Variants in BTLA observed in about 807,000 individuals in gnomAD.
BTLA encodes the protein B and T lymphocyte associated.
A neutral mutation model predicts 25.0 loss-of-function variants in BTLA; 11 were observed. The observed-to-expected ratio is 0.44, with a 90% CI of 0.28 to 0.73. The LOEUF (loss-of-function observed/expected upper bound fraction) is 0.73. BTLA is among the 30% of genes least tolerant of loss of function. The probability of loss-of-function intolerance (pLI) is 0.15; values close to 1 mark genes in which losing one functional copy is unlikely to be tolerated. For missense variants in BTLA, 282 were observed against 332.8 expected, an observed-to-expected ratio of 0.85 and a Z score of 1.19; for synonymous variants, 104 against 119.8, an observed-to-expected ratio of 0.87 and a Z score of 0.86.
chr3:112,474,749 G>A (rs754794681), intron 2 of BTLA, among the ~76,000 whole-genome samples: 11 of 152,176 alleles, frequency 7.2e-5, no homozygotes, highest in Admixed American at 2.0e-4. Flanking sequence ...TTCCATAGGT[G>A]GAGACAGATG....
At chr3:112,471,083 G>C in intron 3 of BTLA, 129 bp downstream of exon 3, 1 of 1,236,082 alleles carries the variant, frequency 8.1e-7, no homozygotes, top group Non-Finnish European at 1.1e-6. Context: ...TGTCTTCTAG[G>C]AAATCATTAT....
At chr3:112,493,891 T>G (rs1439988451) in intron 1 of BTLA, among the ~76,000 whole-genome samples, 1 of 152,126 alleles carries the variant, frequency 6.6e-6, no homozygotes, top group East Asian at 1.9e-4. Context: ...GACAGGTGGA[T>G]CATGAGGTCA....
In BTLA at chr3:112,465,527, G is replaced by A. The variant is rs1344280203; in HGVS notation, c.*581C>T. ...GGAACATCTACCCTATATCCAATTGGTATATTCTATATTTTTATTGCACCA... is the reference window on the plus strand; with the variant it reads ...GGAACATCTACCCTATATCCAATTGATATATTCTATATTTTTATTGCACCA... On this transcript the variant is annotated 3_prime_UTR_variant, in exon 5 of 5. Transcript: ENST00000334529. The A allele has an allele frequency of 6.6e-6, 1 of 152,476 alleles. No homozygotes were observed. Among genetic ancestry groups the A allele is most frequent in the African/African-American group, 2.4e-5 (1 of 41,380 alleles). 9.4% of individuals were successfully genotyped at this position (152,476 alleles called of 1,614,324 possible).
chr3:112,491,106 ATT>A (rs2082377758), intron 1 of BTLA, among the ~76,000 whole-genome samples: 1 of 152,192 alleles, frequency 6.6e-6, no homozygotes, highest in African/African-American at 2.4e-5. Context: ...TTTTTCCGAC[ATT>A]TAGCAAAGCT....
Position 112,499,428 on chromosome 3 carries a change from G to GC in BTLA, c.-71_-70insG. The GC allele has an allele frequency of 7.4e-7, 1 of 1,342,724 alleles. No homozygotes were observed. Among genetic ancestry groups the GC allele is most frequent in the Non-Finnish European group, 1.0e-6 (1 of 969,750 alleles). 83.2% of individuals were successfully genotyped at this position (1,342,724 alleles called of 1,614,324 possible). The stretch of plus-strand genomic sequence containing the variant: ...TTTGCTTCGTCTTCTGAGTGCTGCA[G>GC]AGTTGGGTCAGTTTACCTACCCCAG... On this transcript the variant is annotated 5_prime_UTR_variant, in exon 1 of 5. Coordinates refer to ENST00000334529, the MANE Select transcript of BTLA (RefSeq NM_181780.4).
intron 1 of BTLA, among the ~76,000 whole-genome samples, chr3:112,490,633 A>G (rs2082374915): frequency 6.6e-6 from 1 of 151,700 alleles, no homozygotes; most frequent in East Asian, 1.9e-4. Flanking sequence ...ACACACACAC[A>G]CACACACAAT....
chr3:112,471,168 C>T (rs762386235), intron 3 of BTLA, 44 bp downstream of exon 3: 4 of 1,589,248 alleles, frequency 2.5e-6, no homozygotes, highest in East Asian at 4.5e-5. Flanking sequence ...ATAAGAATGG[C>T]CCCAAATGTG....
chr3:112,489,920 A>C (rs2082370818), intron 1 of BTLA, among the ~76,000 whole-genome samples: 1 of 152,164 alleles, frequency 6.6e-6, no homozygotes, highest in African/African-American at 2.4e-5. Context: ...TTCCCTTGAA[A>C]TTAGAGTTTA....
chr3:112,471,863 A>G (rs975137400), intron 2 of BTLA, among the ~76,000 whole-genome samples: 2 of 152,248 alleles, frequency 1.3e-5, no homozygotes, highest in Non-Finnish European at 2.9e-5. Context: ...AATACTTTTG[A>G]TAGCCTTAAA....
In BTLA at chr3:112,491,260, T is replaced by C. The variant is rs551302399; in HGVS notation, c.88+8011A>G. On this transcript the variant is annotated intron_variant, in intron 1 of 4. Transcript: ENST00000334529. ...TCACCTCTAGAATCACTGCTACACA[T>C]TCTTTGCCACTTGCCCACAGGTACA... Among the ~76,000 whole-genome samples, 16 of 152,278 alleles carry C rather than the reference T, an allele frequency of 1.1e-4. No homozygotes were observed. In the South Asian group the frequency reaches 2.9e-3, roughly 28 times the overall value.
intron 4 of BTLA, among the ~76,000 whole-genome samples, chr3:112,469,085 T>G (rs191478557): frequency 2.4e-4 from 36 of 152,350 alleles, no homozygotes; most frequent in Admixed American, 2.2e-3. Flanking sequence ...CACAAATATA[T>G]TGCCTCATCT....
chr3:112,475,158 T>C (rs1054502712), intron 2 of BTLA, among the ~76,000 whole-genome samples: 2 of 152,164 alleles, frequency 1.3e-5, no homozygotes, highest in African/African-American at 4.8e-5. Flanking sequence ...GAGTGGAATG[T>C]TGTGGAGAGA....
Position 112,469,681 on chromosome 3 carries a change from A to G in BTLA, c.594+77T>C, listed in dbSNP as rs556323313. The G allele has an allele frequency of 1.3e-5, 14 of 1,061,802 alleles. No individual in the cohort carries two copies. In the East Asian group the frequency reaches 3.8e-4, roughly 29 times the overall value. 65.8% of individuals were successfully genotyped at this position (1,061,802 alleles called of 1,614,324 possible). ...AGAATAATGCCTGGCACATGGTGTTATATAAATTCATTGAATAAATAAATA... is the reference window on the plus strand; with the variant it reads ...AGAATAATGCCTGGCACATGGTGTTGTATAAATTCATTGAATAAATAAATA... On this transcript the variant is annotated intron_variant, in intron 4 of 4. Coordinates refer to ENST00000334529, the MANE Select transcript of BTLA (RefSeq NM_181780.4).
intron 1 of BTLA, among the ~76,000 whole-genome samples, chr3:112,493,615 C>T (rs2082392214): frequency 6.6e-6 from 1 of 152,162 alleles, no homozygotes; most frequent in African/African-American, 2.4e-5. Flanking sequence ...AGCAATTCTG[C>T]CTCAGCCTCC....
intron 1 of BTLA, among the ~76,000 whole-genome samples, chr3:112,497,347 A>AAAGAG (rs927671642): frequency 4.6e-5 from 7 of 152,182 alleles, no homozygotes; most frequent in East Asian, 1.9e-4. Flanking sequence ...TGAGGAAACT[A>AAAGAG]AAGAGAAGAG....
rs140948721 is a variant in BTLA, at chr3:112,499,333, C to T, written c.26G>A (p.Gly9Glu). The T allele has an allele frequency of 6.2e-7, 1 of 1,613,808 alleles. No homozygotes were observed. The highest frequency in any genetic ancestry group is 2.2e-5 in the East Asian group (1 of 44,858). Residue 9 changes from glycine to glutamate, a missense_variant, in exon 1 of 5, where the codon GGA becomes GAA. Coordinates refer to ENST00000334529, the MANE Select transcript of BTLA (RefSeq NM_181780.4). The stretch of plus-strand genomic sequence containing the variant: ...GAAGACCCAAAATAATTTCCCAGTT[C>T]CAAGCATGGCAGGCAATGTCTTCAT... MKTLPAMLGTGKLFWVFFL... is the reference protein window; with the variant it reads MKTLPAMLETGKLFWVFFL...
At chr3:112,489,678 A>G (rs939485863) in intron 1 of BTLA, among the ~76,000 whole-genome samples, 1 of 152,230 alleles carries the variant, frequency 6.6e-6, no homozygotes, top group Non-Finnish European at 1.5e-5. Context: ...ATTTTCTGTG[A>G]CATCAACCAG....
At chr3:112,472,888 G>C (rs2107313473) in intron 2 of BTLA, among the ~76,000 whole-genome samples, 1 of 152,074 alleles carries the variant, frequency 6.6e-6, no homozygotes, top group Middle Eastern at 3.4e-3. Flanking sequence ...ACTGCCAGGA[G>C]TGCCAGAAAC....
intron 1 of BTLA, among the ~76,000 whole-genome samples, chr3:112,489,581 T>C (rs1259815679): frequency 6.6e-6 from 1 of 152,200 alleles, no homozygotes; most frequent in East Asian, 1.9e-4. Flanking sequence ...TAACTTGAGC[T>C]AAGAAAGTGT....
Sources: allele counts gnomAD v4.1 joint callset (sites outside exome capture counted in the v4.1 genomes callset), GRCh38; gene constraint gnomAD v4.1.1; transcripts MANE v1.5; gene names NCBI Gene and HGNC (gene_info 2026-07-23, HGNC 2026-07-21).